MYOCD: variants seen among roughly 807,000 people sequenced by gnomAD.
MYOCD encodes myocardin.
A neutral mutation model predicts 96.1 loss-of-function variants in MYOCD; 32 were observed. That is an observed-to-expected ratio of 0.33 (90% CI 0.25 to 0.45). The LOEUF (loss-of-function observed/expected upper bound fraction) is 0.45, where lower values mean the gene tolerates loss of function less well. Ranked by LOEUF, MYOCD falls within the 20% of genes least tolerant of loss-of-function variation. MYOCD has a pLI of 1.00. For missense variants in MYOCD, 1,133 were observed against 1,200.6 expected (o/e 0.94, Z 0.83); for synonymous variants, 469 against 469.0 (o/e 1.00, Z 0.00).
At chr17:12,698,328 G>T (rs1184076365) in intron 1 of MYOCD, among the ~76,000 whole-genome samples, 1 of 152,166 alleles carries the variant, frequency 6.6e-6, no homozygotes, top group African/African-American at 2.4e-5. Context: ...CCAGTCCATA[G>T]AAATACTCAT....
chr17:12,680,375 G>A (rs1352288744), intron 1 of MYOCD, among the ~76,000 whole-genome samples: 1 of 152,146 alleles, frequency 6.6e-6, no homozygotes, highest in East Asian at 1.9e-4. Context: ...GGGAAACTAA[G>A]GTATAGAAAC....
rs1335528499 is a variant in MYOCD at position 12,763,460 on chromosome 17, T to C, written c.2777T>C (p.Leu926Pro). Residue 926 changes from leucine to proline, a missense_variant, in exon 14 of 14, where the codon CTG becomes CCG. Leu to Pro is a moderately conservative substitution (Grantham distance 98). Coordinates refer to ENST00000425538, the MANE Select transcript of MYOCD (RefSeq NM_001146312.3). ...CCCTCTTCTGTGGACAGCAATGGGCTGCAGTTAAGCTTCACTGAATCTCCC... is the reference window on the plus strand; with the variant it reads ...CCCTCTTCTGTGGACAGCAATGGGCCGCAGTTAAGCTTCACTGAATCTCCC... ...FSPSSVDSNG[L>P]QLSFTESPWE... 6.8e-6 allele frequency: 11 copies of C among 1,614,170 alleles called. No homozygotes were observed. Among genetic ancestry groups the C allele is most frequent in the Non-Finnish European group, 9.3e-6 (11 of 1,180,016 alleles).
At chr17:12,737,488 G>A (rs1043775202) in intron 6 of MYOCD, among the ~76,000 whole-genome samples, 2 of 152,190 alleles carry the variant, frequency 1.3e-5, no homozygotes, top group African/African-American at 4.8e-5. Context: ...TGTCAGCCAC[G>A]CCGGGGAAAT....
intron 12 of MYOCD, 171 bp downstream of exon 12, chr17:12,758,384 G>A: frequency 1.0e-6 from 1 of 1,001,730 alleles, no homozygotes; most frequent in Non-Finnish European, 1.4e-6. Flanking sequence ...AGTGTTGCAT[G>A]TGTAGCTGTG....
At chr17:12,757,006 G>A (rs1396248938) in intron 11 of MYOCD, among the ~76,000 whole-genome samples, 1 of 152,144 alleles carries the variant, frequency 6.6e-6, no homozygotes. Context: ...ATGGCCATAT[G>A]TTTGCAAAAC....
chr17:12,679,232 G>A (rs1910298891), intron 1 of MYOCD, among the ~76,000 whole-genome samples: 1 of 151,920 alleles, frequency 6.6e-6, no homozygotes, highest in African/African-American at 2.4e-5. Context: ...TTTTAACATG[G>A]TAGCCATCTG....
At chr17:12,695,441 C>T (rs998160528) in intron 1 of MYOCD, among the ~76,000 whole-genome samples, 3 of 152,188 alleles carry the variant, frequency 2.0e-5, no homozygotes, top group Admixed American at 6.5e-5. Context: ...TTTGGAGGGA[C>T]ACAAACATTA....
At chr17:12,675,765 A>T (rs959343615) in intron 1 of MYOCD, among the ~76,000 whole-genome samples, 5 of 152,220 alleles carry the variant, frequency 3.3e-5, no homozygotes, top group African/African-American at 1.2e-4. Flanking sequence ...AGGCTGAGGC[A>T]GGAGAATCGC....
In MYOCD at chr17:12,752,767, G is replaced by A. The variant is rs569067316; in HGVS notation, c.1479G>A (p.Thr493=). The A allele has an allele frequency of 5.5e-5, 89 of 1,614,084 alleles. No homozygotes were observed. In the South Asian group the frequency reaches 7.6e-4, roughly 14 times the overall value. The stretch of plus-strand genomic sequence containing the variant: ...ACCCGTCCCCAGTCCACGTGTGCAC[G>A]GAGGAAAGTCTCATGAGCAGCCTGA... ...GLHPSPVHVC[T]EESLMSSLNG... is the part of the protein sequence containing the mutation. Residue 493 remains threonine (T), a synonymous_variant, in exon 10 of 14, where the codon ACG becomes ACA. Transcript: ENST00000425538.
At chr17:12,677,979 G>A (rs549894018) in intron 1 of MYOCD, among the ~76,000 whole-genome samples, 10 of 145,752 alleles carry the variant, frequency 6.9e-5, no homozygotes, top group East Asian at 2.2e-4. Context: ...TGCAACCTCC[G>A]CCTCCCAGGT....
In MYOCD at chr17:12,758,194, A is replaced by G. The variant is rs773489630; in HGVS notation, c.2312A>G (p.Tyr771Cys). ...TCAGAGGTAACACAGCCTCCATCCT[A>G]TGAAGATGCCGTAAAGCAGGTAACC... ...AISEVTQPPS[Y>C]EDAVKQQMTR... The change falls in exon 12 of 14, where the codon TAT becomes TGT. Residue 771 changes from tyrosine to cysteine, a missense_variant. Tyr to Cys is a radical substitution (Grantham distance 194). Coordinates refer to ENST00000425538, the MANE Select transcript of MYOCD (RefSeq NM_001146312.3). 2.5e-6 allele frequency: 4 copies of G among 1,614,092 alleles called. No individual in the cohort carries two copies. Among genetic ancestry groups the G allele is most frequent in the South Asian group, 1.1e-5 (1 of 91,078 alleles).
chr17:12,709,655 A>C (rs1380998599), intron 2 of MYOCD, among the ~76,000 whole-genome samples: 3 of 152,202 alleles, frequency 2.0e-5, no homozygotes, highest in Non-Finnish European at 2.9e-5. Flanking sequence ...CTCAATATGG[A>C]GATTTCAAAT....
chr17:12,715,322 C>T (rs979171079), intron 2 of MYOCD, among the ~76,000 whole-genome samples, 197 bp from the exon 3 acceptor site: 1 of 151,986 alleles, frequency 6.6e-6, no homozygotes, highest in Non-Finnish European at 1.5e-5. Flanking sequence ...TTTGAGGCTT[C>T]GATTCCACTT....
intron 2 of MYOCD, among the ~76,000 whole-genome samples, chr17:12,713,189 G>A (rs1053234469): frequency 5.9e-5 from 9 of 152,228 alleles, no homozygotes; most frequent in Non-Finnish European, 1.3e-4. Flanking sequence ...CCCTGTGGCA[G>A]AAGGTTCCAG....
At chr17:12,723,047 T>C in intron 5 of MYOCD, 39 bp downstream of exon 5, 1 of 1,585,514 alleles carries the variant, frequency 6.3e-7, no homozygotes, top group Middle Eastern at 1.7e-4. Flanking sequence ...TTGGTGCTAT[T>C]GAGATCTGAG....
At position 12,765,996 on chromosome 17, in the gene MYOCD, A is replaced by G. The variant is rs2033329069; in HGVS notation, c.*2352A>G. On this transcript the variant is annotated 3_prime_UTR_variant, in exon 14 of 14. Transcript: ENST00000425538. ...AGAACCAAAAAAATCCAGAAGAAAA[A>G]ATTGCCAGTGTTTCCTTTGAAGATG... The G allele has an allele frequency of 6.6e-6, 1 of 152,204 alleles. No homozygotes were observed. The highest frequency in any genetic ancestry group is 6.5e-5 in the Admixed American group (1 of 15,282). 9.4% of individuals were successfully genotyped at this position (152,204 alleles called of 1,614,324 possible).
chr17:12,722,353 A>G (rs1458363743), intron 4 of MYOCD, among the ~76,000 whole-genome samples: 1 of 152,204 alleles, frequency 6.6e-6, no homozygotes, highest in African/African-American at 2.4e-5. Context: ...AACTGTTTCA[A>G]TGGAATTTTT....
chr17:12,750,280 G>A (rs2032808688), intron 9 of MYOCD, among the ~76,000 whole-genome samples: 1 of 152,178 alleles, frequency 6.6e-6, no homozygotes. Flanking sequence ...TTCTGATTTA[G>A]GTCTGGGGAG....
rs2033300884 is a variant in MYOCD, at chr17:12,765,117, A to G, written c.*1473A>G. 6.6e-6 allele frequency: 1 copy of G among 152,154 alleles called. No homozygotes were observed. The highest frequency in any genetic ancestry group is 2.4e-5 in the African/African-American group (1 of 41,424). The allele number at this position is 152,154 out of a possible 1,614,324, so 9.4% of individuals were successfully genotyped here. A position where few individuals can be genotyped will look rare whatever the true frequency, so the allele number is the denominator to read the frequency against. On this transcript the variant is annotated 3_prime_UTR_variant, in exon 14 of 14. Transcript: ENST00000425538. ...TGAAAACGATGGAAGGAAAAAGACA[A>G]TGGTCTAATGTGCATTCCTCATTAC... is the stretch of plus-strand genomic sequence containing the variant.
Sources: gnomAD v4.1 joint callset for allele counts (sites outside exome capture counted in the v4.1 genomes callset) on GRCh38, gnomAD v4.1.1 for gene constraint, MANE v1.5 for transcripts, NCBI Gene and HGNC (gene_info 2026-07-23, HGNC 2026-07-21) for gene names.